LRRIQ3: variants seen among roughly 807,000 people sequenced by gnomAD.
The protein encoded by LRRIQ3 is leucine-rich repeat and IQ domain-containing protein 3.
LRRIQ3 carries 75 observed loss-of-function variants against 59.3 expected under a neutral mutation model. That is an observed-to-expected ratio of 1.26 (90% confidence interval 1.05 to 1.53). The LOEUF is 1.53. LRRIQ3 is among the 40% of genes most tolerant of loss of function. LRRIQ3 has a pLI of 0.00. For synonymous variants in LRRIQ3, 250 were observed against 231.3 expected (o/e 1.08, Z -0.73); for missense variants, 831 against 710.0 (o/e 1.17, Z -1.94).
At position 74,155,775 on chromosome 1, in the gene LRRIQ3, AC is replaced by A; in HGVS notation, c.664del (p.Val222PhefsTer9). 6.3e-7 allele frequency: 1 copy of A among 1,583,820 alleles called. No individual in the cohort carries two copies. Among genetic ancestry groups the A allele is most frequent in the South Asian group, 1.2e-5 (1 of 83,166 alleles). On this transcript the variant is annotated frameshift_variant, in exon 4 of 8. Coordinates refer to ENST00000354431, the MANE Select transcript of LRRIQ3 (RefSeq NM_001105659.2). LOFTEE classifies it high-confidence loss of function. ...TAAGAAACCACGTATCCATCTTTGA[AC>A]AATCAAAACTGGTGAATTATGAGCC... Reference protein sequence around the residue: ...ILAHNSPVLIVQRWIRGFLVR... With the variant: ...ILAHNSPVLIXQRWIRGFLVR...
intron 6 of LRRIQ3, among the ~76,000 whole-genome samples, chr1:74,044,517 A>C (rs1352524229): frequency 6.6e-6 from 1 of 152,190 alleles, no homozygotes; most frequent in African/African-American, 2.4e-5. Context: ...GAAAGCAAAA[A>C]GATCTAAAAT....
At chr1:74,174,110 C>T (rs1056065673) in intron 3 of LRRIQ3, among the ~76,000 whole-genome samples, 1 of 151,986 alleles carries the variant, frequency 6.6e-6, no homozygotes, top group African/African-American at 2.4e-5. Flanking sequence ...TTTCTTCCCT[C>T]TTTTCTCTCT....
chr1:74,041,238 A>C lies in LRRIQ3; in HGVS notation c.1693T>G (p.Leu565Val). The change falls in exon 7 of 8, where the codon TTA (leucine) becomes GTA (valine). Residue 565 changes from leucine (L) to valine (V), a missense_variant. Leu to Val is a conservative substitution (Grantham distance 32). Coordinates refer to ENST00000354431, the MANE Select transcript of LRRIQ3 (RefSeq NM_001105659.2). ...KLKAEKYRKNLLKEMKKVRSQ... is the reference protein window; with the variant it reads ...KLKAEKYRKNVLKEMKKVRSQ... ...CTAACTTTTTTCATTTCTTTAAGTA[A>C]ATTCTTTCTATATTTTTCTGCTTTT... 2 of 1,583,424 alleles carry C rather than the reference A, an allele frequency of 1.3e-6. No individual in the cohort carries two copies. The highest frequency in any genetic ancestry group is 2.4e-5 in the South Asian group (2 of 84,772).
At chr1:74,190,746 T>TA (rs537568078) in intron 1 of LRRIQ3, among the ~76,000 whole-genome samples, 6 of 147,796 alleles carry the variant, frequency 4.1e-5, no homozygotes, top group Admixed American at 6.7e-5. Flanking sequence ...AAATCAAAGG[T>TA]AAAAAAAAAA....
chr1:74,192,924 T>C (rs1650860915), intron 1 of LRRIQ3, among the ~76,000 whole-genome samples: 1 of 152,166 alleles, frequency 6.6e-6, no homozygotes, highest in South Asian at 2.1e-4. Context: ...TTTCTCATTA[T>C]TTATTTATGT....
At chr1:74,036,584 C>T (rs1057128159) in intron 7 of LRRIQ3, among the ~76,000 whole-genome samples, 3 of 152,018 alleles carry the variant, frequency 2.0e-5, no homozygotes, top group South Asian at 2.1e-4. Flanking sequence ...TTAATGTACC[C>T]GAAATTTTAA....
intron 6 of LRRIQ3, among the ~76,000 whole-genome samples, chr1:74,054,147 T>C (rs1233838897): frequency 1.3e-5 from 2 of 152,124 alleles, no homozygotes; most frequent in Admixed American, 6.6e-5. Context: ...AGTAGGTGAA[T>C]GGATAAATAA....
intron 5 of LRRIQ3, chr1:74,108,811 T>G (rs1426463509): frequency 3.2e-6 from 1 of 316,728 alleles, no homozygotes; most frequent in East Asian, 1.1e-4. Context: ...CTATTAATTA[T>G]GTAGCTTTTG....
intron 6 of LRRIQ3, among the ~76,000 whole-genome samples, chr1:74,048,550 CAATT>C: frequency 6.6e-6 from 1 of 152,194 alleles, no homozygotes; most frequent in Non-Finnish European, 1.5e-5. Context: ...ATTCATTCAC[CAATT>C]AATTCATCTA....
intron 4 of LRRIQ3, among the ~76,000 whole-genome samples, chr1:74,146,625 T>G (rs1441985513): frequency 1.3e-5 from 2 of 152,228 alleles, no homozygotes; most frequent in African/African-American, 4.8e-5. Flanking sequence ...GCTAGCAGAA[T>G]AATACAAATT....
intron 5 of LRRIQ3, among the ~76,000 whole-genome samples, chr1:74,101,807 G>A (rs1646537000): frequency 6.6e-6 from 1 of 151,966 alleles, no homozygotes; most frequent in South Asian, 2.1e-4. Context: ...ACTATCACAA[G>A]GACAAAAAAC....
chr1:74,046,749 C>T (rs1018312179), intron 6 of LRRIQ3, among the ~76,000 whole-genome samples: 1 of 151,498 alleles, frequency 6.6e-6, no homozygotes, highest in African/African-American at 2.4e-5. Flanking sequence ...AACAGATTTA[C>T]AAGAAAAAAA....
intron 6 of LRRIQ3, among the ~76,000 whole-genome samples, chr1:74,044,012 C>T (rs1454665018): frequency 6.6e-6 from 1 of 151,966 alleles, no homozygotes; most frequent in East Asian, 1.9e-4. Flanking sequence ...TTCCTTATTG[C>T]TTAAAAAAGA....
At chr1:74,030,399 G>T (rs1272365087) in intron 7 of LRRIQ3, among the ~76,000 whole-genome samples, 1 of 152,072 alleles carries the variant, frequency 6.6e-6, no homozygotes, top group Admixed American at 6.6e-5. Flanking sequence ...CATGGTACTG[G>T]TACCAAAACA....
intron 6 of LRRIQ3, among the ~76,000 whole-genome samples, chr1:74,054,963 AATATT>A (rs1241347952): frequency 6.8e-6 from 1 of 147,328 alleles, no homozygotes; most frequent in African/African-American, 2.5e-5. Flanking sequence ...AATTATATAA[AATATT>A]ATAAATATAT....
intron 5 of LRRIQ3, among the ~76,000 whole-genome samples, chr1:74,105,513 T>C (rs912448538): frequency 1.4e-4 from 21 of 151,906 alleles, no homozygotes; most frequent in Non-Finnish European, 2.4e-4. Context: ...TTGGCCTCCC[T>C]AAGTGCTGAG....
At chr1:74,057,554 T>C (rs896961446) in intron 6 of LRRIQ3, among the ~76,000 whole-genome samples, 1 of 152,126 alleles carries the variant, frequency 6.6e-6, no homozygotes, top group Non-Finnish European at 1.5e-5. Context: ...TGCAGAAGAA[T>C]GAAACTAGAC....
intron 3 of LRRIQ3, among the ~76,000 whole-genome samples, chr1:74,159,953 C>T (rs914102146): frequency 2.6e-5 from 4 of 151,994 alleles, no homozygotes; most frequent in Admixed American, 6.6e-5. Context: ...TATCAAATAG[C>T]CCTTCAATCT....
At chr1:74,163,992 A>G (rs984204195) in intron 3 of LRRIQ3, among the ~76,000 whole-genome samples, 3 of 151,324 alleles carry the variant, frequency 2.0e-5, no homozygotes, top group African/African-American at 7.3e-5. Context: ...CTAACAGCTA[A>G]TGATATTGAA....
Sources: gnomAD v4.1 joint callset for allele counts (sites outside exome capture counted in the v4.1 genomes callset) on GRCh38, gnomAD v4.1.1 for gene constraint, MANE v1.5 for transcripts, NCBI Gene and HGNC (gene_info 2026-07-23, HGNC 2026-07-21) for gene names.